The following ACAP3 variants were observed in gnomAD, a reference collection of about 807,000 sequenced individuals.
ACAP3 encodes the protein ArfGAP with coiled-coil, ankyrin repeat and PH domains 3, also known as arf-GAP with coiled-coil, ANK repeat and PH domain-containing protein 3.
Under a neutral mutation model 104.1 loss-of-function variants are expected in ACAP3, and 56 were observed. The observed-to-expected ratio is 0.54, with a 90% CI of 0.43 to 0.67. The LOEUF is 0.67. Among genes scored for constraint, ACAP3 ranks in the 30% least tolerant of loss-of-function variants. The pLI, the probability that ACAP3 is intolerant of heterozygous loss-of-function variation, is 0.00. For missense variants in ACAP3, 1,208 were observed against 1,174.9 expected, an observed-to-expected ratio of 1.03 and a Z score of -0.41; for synonymous variants, 628 against 496.2, an observed-to-expected ratio of 1.27 and a Z score of -3.53.
intron 1 of ACAP3, among the ~76,000 whole-genome samples, chr1:1,306,478 G>A (rs1267869031): frequency 3.9e-5 from 6 of 152,186 alleles, no homozygotes; most frequent in African/African-American, 1.2e-4. Context: ...AGCAACAGAA[G>A]ATGGGAGAGC....
chr1:1,307,723 C>A, intron 1 of ACAP3, 46 bp downstream of exon 1: 2 of 1,085,584 alleles, frequency 1.8e-6, no homozygotes, highest in South Asian at 4.0e-5. Flanking sequence ...AAGGCGACAG[C>A]GACGCCCCCG....
Position 1,300,703 on chromosome 1 carries a change from A to C in ACAP3, c.339-11T>G. On this transcript the variant is annotated splice_polypyrimidine_tract_variant and intron_variant, in intron 5 of 23. Transcript: ENST00000354700. ...AACTTCCGCACATCCCTGGAGGCCAAGTGCCAGGTGGGGTGAGAGATCAGG... is the reference window on the plus strand; with the variant it reads ...AACTTCCGCACATCCCTGGAGGCCACGTGCCAGGTGGGGTGAGAGATCAGG... The C allele has an allele frequency of 6.2e-7, 1 of 1,604,564 alleles. No homozygotes were observed. The highest frequency in any genetic ancestry group is 8.5e-7 in the Non-Finnish European group (1 of 1,177,562).
In ACAP3 at chr1:1,296,540, G is replaced by A. The variant is rs747770222; in HGVS notation, c.1222C>T (p.Arg408Cys). The A allele has an allele frequency of 1.3e-5, 20 of 1,539,722 alleles. No homozygotes were observed. The highest frequency in any genetic ancestry group is 7.3e-5 in the East Asian group (3 of 40,922). Residue 408 changes from arginine to cysteine, a missense_variant, in exon 15 of 24, where the codon CGT (arginine) becomes TGT (cysteine). Arg to Cys is a radical substitution (Grantham distance 180). Coordinates refer to ENST00000354700, the MANE Select transcript of ACAP3 (RefSeq NM_030649.3). Reference protein sequence around the residue: ...RGVKGESVLQRVQSVAGNSQC... With the variant: ...RGVKGESVLQCVQSVAGNSQC... ...CTGTTGCCGGCCACACTCTGCACAC[G>A]CTGCAGCACACTCTCGCCCTTCACG...
At chr1:1,296,751 C>T in intron 14 of ACAP3, 118 bp from the exon 15 acceptor site, 1 of 1,094,084 alleles carries the variant, frequency 9.1e-7, no homozygotes, top group Non-Finnish European at 1.3e-6. Context: ...GAGCACACGC[C>T]CGCACACGCA....
Position 1,295,907 on chromosome 1 carries a change from A to G in ACAP3, c.1534T>C (p.Tyr512His). ...TTCCGCAGAAACTTCTTTTCCACGT[A>G]TTTGTCCTTGATCCAGGCCTCCTTG... ...QDKEAWIKDK[Y>H]VEKKFLRKAP... is the part of the protein sequence containing the mutation. The change falls in exon 18 of 24, where the codon TAC becomes CAC. Residue 512 changes from tyrosine to histidine, a missense_variant. Coordinates refer to ENST00000354700, the MANE Select transcript of ACAP3 (RefSeq NM_030649.3). 1 of 1,612,192 alleles carries G rather than the reference A, an allele frequency of 6.2e-7. No individual in the cohort carries two copies. The highest frequency in any genetic ancestry group is 8.5e-7 in the Non-Finnish European group (1 of 1,179,924).
Position 1,294,451 on chromosome 1 carries a change from G to T in ACAP3, c.2090C>A (p.Ala697Glu). 10 of 1,573,006 alleles carry T rather than the reference G, an allele frequency of 6.4e-6. No homozygotes were observed. Among genetic ancestry groups the T allele is most frequent in the Non-Finnish European group, 7.7e-6 (9 of 1,165,750 alleles). The change falls in exon 21 of 24, where the codon GCG becomes GAG. Residue 697 changes from alanine (A) to glutamate (E), a missense_variant. Ala to Glu is a moderately radical substitution (Grantham distance 107, BLOSUM62 -1). Transcript: ENST00000354700. ...ALAHGAEVNW[A>E]DAEDEGKTPL... is the part of the protein sequence containing the mutation. ...CGTCTTGCCCTCATCCTCCGCGTCC[G>T]CCCAGTTGACCTCGGCCCCGTGGGC...
chr1:1,306,198 A>C (rs1189040784), intron 1 of ACAP3, among the ~76,000 whole-genome samples: 2 of 152,130 alleles, frequency 1.3e-5, no homozygotes, highest in African/African-American at 4.8e-5. Context: ...TGGCTCCTGT[A>C]ACAGGCTCCC....
In ACAP3 at chr1:1,303,555, G is replaced by C; in HGVS notation, c.106-274C>G. 1 of 556,200 alleles carries C rather than the reference G, an allele frequency of 1.8e-6. No individual in the cohort carries two copies. Among genetic ancestry groups the C allele is most frequent in the Non-Finnish European group, 3.2e-6 (1 of 311,828 alleles). The allele number at this position is 556,200 out of a possible 1,614,324, so 34.5% of individuals were successfully genotyped here. A position where few individuals can be genotyped will look rare whatever the true frequency, so the allele number is the denominator to read the frequency against. On this transcript the variant is annotated intron_variant, in intron 2 of 23. Coordinates refer to ENST00000354700, the MANE Select transcript of ACAP3 (RefSeq NM_030649.3). This position sits in a 1 kb window ranked among gnomAD's most constrained non-coding sequence, Gnocchi z 4.0. ...AGGGCCAGCAGGACCAGCAGAACCA[G>C]CCCATGTGGGGCTCATGGATAAGGC...
intron 19 of ACAP3, 104 bp downstream of exon 19, chr1:1,295,343 G>T (rs1641078310): frequency 2.7e-6 from 3 of 1,099,908 alleles, no homozygotes; most frequent in African/African-American, 1.6e-5. Context: ...CGCCCCTTCA[G>T]ATGCTGCTCC....
chr1:1,303,084 T>C lies in ACAP3; in HGVS notation c.225+78A>G, dbSNP rs1641522014. On this transcript the variant is annotated intron_variant, in intron 3 of 23. Coordinates refer to ENST00000354700, the MANE Select transcript of ACAP3 (RefSeq NM_030649.3). This position sits in a 1 kb window ranked among gnomAD's most constrained non-coding sequence, Gnocchi z 4.0. ...TGCAGACACCGGCCTGCTTCTGGCC[T>C]GGACGCCCTCAAGGGGCTGCCTCCC... is the stretch of plus-strand genomic sequence containing the variant. 4 of 1,552,406 alleles carry C rather than the reference T, an allele frequency of 2.6e-6. No homozygotes were observed. The highest frequency in any genetic ancestry group is 2.7e-5 in the African/African-American group (2 of 73,402).
rs1212378210 is a variant in ACAP3 at position 1,293,642 on chromosome 1, G to A, written c.2427C>T (p.Ala809=). ...GGAGCTCCGTGGGGCTGCCCGCCAG[G>A]GCGCCCGGGGGACCAGGGGCAGCCT... The part of the protein sequence containing the change: ...EAEAAPGPPG[A]LAGSPTELQF... Residue 809 remains alanine (A), a synonymous_variant, in exon 24 of 24, where the codon GCC becomes GCT. Coordinates refer to ENST00000354700, the MANE Select transcript of ACAP3 (RefSeq NM_030649.3). The A allele has an allele frequency of 1.1e-5, 16 of 1,479,110 alleles. No homozygotes were observed. The highest frequency in any genetic ancestry group is 1.3e-5 in the Non-Finnish European group (15 of 1,123,162). The allele number at this position is 1,479,110 out of a possible 1,614,324, so 91.6% of individuals were successfully genotyped here.
chr1:1,294,374 C>G, intron 21 of ACAP3, 28 bp downstream of exon 21: 3 of 1,552,098 alleles, frequency 1.9e-6, no homozygotes, highest in African/African-American at 1.4e-5. Flanking sequence ...CACCTGTGTC[C>G]TGCGCGCAGC....
intron 4 of ACAP3, among the ~76,000 whole-genome samples, chr1:1,302,616 C>T (rs1472328255): frequency 1.3e-5 from 2 of 152,132 alleles, no homozygotes; most frequent in Non-Finnish European, 2.9e-5. Flanking sequence ...GTGCCAGGGC[C>T]CCCGGGGGCC....
chr1:1,300,309 A>G (rs1641389102), intron 6 of ACAP3, 107 bp from the exon 7 acceptor site: 2 of 1,398,318 alleles, frequency 1.4e-6, no homozygotes, highest in South Asian at 2.8e-5. Context: ...TGAGACCCCC[A>G]GGTCGTCTTC....
At chr1:1,296,681 G>A (rs1200811405) in intron 14 of ACAP3, 48 bp from the exon 15 acceptor site, 2 of 1,512,380 alleles carry the variant, frequency 1.3e-6, no homozygotes, top group African/African-American at 1.4e-5. Flanking sequence ...CTCCAGCATG[G>A]TTTCCCCAGC....
Position 1,294,700 on chromosome 1 carries a change from G to C in ACAP3, c.1912+18C>G. The C allele has an allele frequency of 1.9e-6, 3 of 1,548,952 alleles. No homozygotes were observed. The South Asian group carries it at 3.6e-5, about 18-fold the overall frequency. On this transcript the variant is annotated intron_variant, in intron 20 of 23. Transcript: ENST00000354700. ...GGGGCTGGGCAGGGGCCTCGGGCGA[G>C]GGCAAGACGCCACCCACCCTCCTCA...
At chr1:1,298,218 A>G (rs989915508) in intron 12 of ACAP3, 105 bp from the exon 13 acceptor site, 5 of 1,569,948 alleles carry the variant, frequency 3.2e-6, no homozygotes, top group African/African-American at 1.4e-5. Flanking sequence ...CCTGAGCCCC[A>G]AGCCCCGTGT....
In ACAP3 at chr1:1,295,550, G is replaced by A; in HGVS notation, c.1710C>T (p.Gly570=). ...CTCGGCGGAACTTACGATCCAGGGT[G>A]CCCACTGCAGGGGCAGTGCGTGTTC... ...LPCVAALSSV[G]TLDRKFRRDS... is the part of the protein sequence containing the mutation. The change falls in exon 19 of 24, where the codon GGC becomes GGT. Residue 570 remains glycine (G), a synonymous_variant. Transcript: ENST00000354700. The A allele has an allele frequency of 3.1e-6, 5 of 1,612,392 alleles. No homozygotes were observed. The highest frequency in any genetic ancestry group is 4.2e-6 in the Non-Finnish European group (5 of 1,179,762).
Position 1,303,062 on chromosome 1 carries a change from A to G in ACAP3, c.226-87T>C. ...CGCCCTCTGAGCCCCTGGGCGGTGC[A>G]GACACCGGCCTGCTTCTGGCCTGGA... On this transcript the variant is annotated intron_variant, in intron 3 of 23. Transcript: ENST00000354700. The surrounding 1 kb of genome is among the most constrained non-coding windows in gnomAD (Gnocchi z 4.0). The G allele has an allele frequency of 6.4e-7, 1 of 1,553,730 alleles. No homozygotes were observed. The highest frequency in any genetic ancestry group is 8.7e-7 in the Non-Finnish European group (1 of 1,147,864).
Sources: gnomAD v4.1 joint callset for allele counts (sites outside exome capture counted in the v4.1 genomes callset) on GRCh38, gnomAD v4.1.1 for gene constraint, Gnocchi (gnomAD v3.1) non-coding constraint, MANE v1.5 for transcripts, NCBI Gene and HGNC (gene_info 2026-07-23, HGNC 2026-07-21) for gene names.